The following DHCR24 variants were observed in gnomAD, a reference collection of about 807,000 sequenced individuals.
The protein encoded by DHCR24 is delta(24)-sterol reductase.
A neutral mutation model predicts 61.2 loss-of-function variants in DHCR24; 28 were observed. The observed-to-expected ratio is 0.46, with a 90% CI of 0.34 to 0.63. The LOEUF (loss-of-function observed/expected upper bound fraction) is 0.63, where lower values mean the gene tolerates loss of function less well. DHCR24 is among the 20% of genes least tolerant of loss of function. The pLI is 0.01. For synonymous variants in DHCR24, 261 were observed against 275.9 expected (o/e 0.95, Z 0.54); for missense variants, 538 against 679.1 (o/e 0.79, Z 2.31).
At chr1:54,854,508 G>A (rs1232420906) in intron 6 of DHCR24, among the ~76,000 whole-genome samples, 1 of 152,208 alleles carries the variant, frequency 6.6e-6, no homozygotes, top group Non-Finnish European at 1.5e-5. Flanking sequence ...TGGGCCTTGT[G>A]AGGATAATGA....
chr1:54,885,154 G>A (rs972631777), intron 1 of DHCR24, among the ~76,000 whole-genome samples: 1 of 152,188 alleles, frequency 6.6e-6, no homozygotes, highest in Non-Finnish European at 1.5e-5. Context: ...TCAACACGGG[G>A]AAGGACTTTT....
Position 54,854,207 on chromosome 1 carries a change from T to C in DHCR24, c.1048A>G (p.Ile350Val). 1.9e-6 allele frequency: 3 copies of C among 1,613,896 alleles called. No homozygotes were observed. Among genetic ancestry groups the C allele is most frequent in the South Asian group, 1.1e-5 (1 of 91,052 alleles). ...QDIIPFGNNP[I>V]FRYLFGWMVP... ...ATCCAGCCAAAGAGGTAGCGGAAGA[T>C]GGGGTTGTTGCCAAAGGGGATAATG... The change falls in exon 7 of 9, where the codon ATC becomes GTC. Residue 350 changes from isoleucine (I) to valine (V), a missense_variant. By Grantham distance (29) the Ile-to-Val change is conservative. Transcript: ENST00000371269.
At chr1:54,878,312 C>T (rs1557438832) in intron 2 of DHCR24, among the ~76,000 whole-genome samples, 1 of 149,610 alleles carries the variant, frequency 6.7e-6, no homozygotes, top group Admixed American at 6.7e-5. Context: ...TTGAGACCAG[C>T]CTGGCCAACA....
Position 54,883,295 on chromosome 1 carries a change from T to C in DHCR24, c.387+323A>G, listed in dbSNP as rs76433152. On this transcript the variant is annotated intron_variant, in intron 2 of 8. Transcript: ENST00000371269. This position sits in a 1 kb window ranked among gnomAD's most constrained non-coding sequence, Gnocchi z 4.3. ...ACAAGACCCATGTCTCTCAGTCACT[T>C]CTGTAGCCCATTTTTTACCAGCACA... Among the ~76,000 whole-genome samples the C allele has an allele frequency of 4.3e-4, 65 of 152,298 alleles. No individual in the cohort carries two copies. Among genetic ancestry groups the C allele is most frequent in the African/African-American group, 1.6e-3 (65 of 41,564 alleles).
At chr1:54,881,050 T>C (rs2101577054) in intron 2 of DHCR24, among the ~76,000 whole-genome samples, 1 of 152,234 alleles carries the variant, frequency 6.6e-6, no homozygotes, top group Non-Finnish European at 1.5e-5. Context: ...CCCAGGAGGC[T>C]GAGGCAGGAG....
chr1:54,875,020 G>A (rs1453331709), intron 4 of DHCR24, 73 bp downstream of exon 4: 5 of 1,325,584 alleles, frequency 3.8e-6, no homozygotes, highest in Middle Eastern at 1.8e-4. Flanking sequence ...ACCTAGAGGA[G>A]CCACCTCCCT....
At chr1:54,877,438 T>C (rs1287583610) in intron 2 of DHCR24, among the ~76,000 whole-genome samples, 2 of 151,074 alleles carry the variant, frequency 1.3e-5, no homozygotes, top group Non-Finnish European at 2.9e-5. Context: ...CCTGACAAAA[T>C]ATATGAAATA....
intron 6 of DHCR24, among the ~76,000 whole-genome samples, chr1:54,858,089 C>T (rs756994489): frequency 6.6e-6 from 1 of 152,260 alleles, no homozygotes; most frequent in African/African-American, 2.4e-5. Context: ...TATTCCTCCC[C>T]TCTAGAAATG....
At chr1:54,885,177 G>A (rs1647086057) in intron 1 of DHCR24, among the ~76,000 whole-genome samples, 1 of 152,192 alleles carries the variant, frequency 6.6e-6, no homozygotes, top group African/African-American at 2.4e-5. Flanking sequence ...TTGATCAGAG[G>A]CCAGGGCAGG....
At chr1:54,860,179 C>T (rs1049480264) in intron 6 of DHCR24, among the ~76,000 whole-genome samples, 4 of 152,352 alleles carry the variant, frequency 2.6e-5, no homozygotes, top group East Asian at 1.9e-4. Context: ...GGTATAATTC[C>T]GTCATGCCTT....
intron 6 of DHCR24, among the ~76,000 whole-genome samples, chr1:54,855,394 CAAA>C (rs34849017): frequency 1.1e-4 from 13 of 117,664 alleles, no homozygotes; most frequent in Non-Finnish European, 1.2e-4. Flanking sequence ...ACTCCGTCTC[CAAA>C]AAAAAAAAAA....
Position 54,852,059 on chromosome 1 carries a change from C to T in DHCR24, c.*174G>A. 1.4e-6 allele frequency: 1 copy of T among 694,046 alleles called. No homozygotes were observed. Among genetic ancestry groups the T allele is most frequent in the South Asian group, 1.9e-5 (1 of 53,440 alleles). 43.0% of individuals were successfully genotyped at this position (694,046 alleles called of 1,614,324 possible). ...CTGACTCCAAATCCCACATTCTTTC[C>T]ATTCCACTGGGCTGCCCCCTGGAAG... On this transcript the variant is annotated 3_prime_UTR_variant, in exon 9 of 9. Coordinates refer to ENST00000371269, the MANE Select transcript of DHCR24 (RefSeq NM_014762.4).
intron 6 of DHCR24, among the ~76,000 whole-genome samples, chr1:54,857,615 C>T (rs1211286883): frequency 6.6e-6 from 1 of 152,114 alleles, no homozygotes; most frequent in Non-Finnish European, 1.5e-5. Flanking sequence ...AATACATATA[C>T]ATGAGGAGTT....
rs1218183372 is a variant in DHCR24, at chr1:54,886,840, C to A, written c.231+49G>T. On this transcript the variant is annotated intron_variant, in intron 1 of 8. Transcript: ENST00000371269. ...GCCACCTCGCGTCCCGCTATCCCCG[C>A]GCACGCCGCCTCCGGCCCTGAGTCC... 3 of 1,595,854 alleles carry A rather than the reference C, an allele frequency of 1.9e-6. No homozygotes were observed. The African/African-American group carries it at 4.0e-5, about 21-fold the overall frequency.
At position 54,883,014 on chromosome 1, in the gene DHCR24, G is replaced by C. The variant is rs1647072641; in HGVS notation, c.387+604C>G. Reference sequence around the variant, plus strand: ...ATGGCACAGAGAGATTAAGTAACTTGGCCAAGGTCTCACAATAATAACAAA... The same window carrying C: ...ATGGCACAGAGAGATTAAGTAACTTCGCCAAGGTCTCACAATAATAACAAA... On this transcript the variant is annotated intron_variant, in intron 2 of 8. Transcript: ENST00000371269. The surrounding 1 kb of genome is among the most constrained non-coding windows in gnomAD (Gnocchi z 4.3). 1.3e-5 allele frequency among the ~76,000 whole-genome samples: 2 copies of C among 151,914 alleles called. No individual in the cohort carries two copies. The highest frequency in any genetic ancestry group is 2.4e-5 in the African/African-American group (1 of 41,342).
chr1:54,858,607 T>C (rs1646919869), intron 6 of DHCR24, among the ~76,000 whole-genome samples: 1 of 152,254 alleles, frequency 6.6e-6, no homozygotes, highest in African/African-American at 2.4e-5. Context: ...TTTTGAATCC[T>C]AGCTCTGTGT....
Position 54,854,183 on chromosome 1 carries a change from T to C in DHCR24, c.1072A>G (p.Met358Val). The change falls in exon 7 of 9, where the codon ATG becomes GTG. Residue 358 changes from methionine (M) to valine (V), a missense_variant. Coordinates refer to ENST00000371269, the MANE Select transcript of DHCR24 (RefSeq NM_014762.4). Reference protein sequence around the residue: ...NPIFRYLFGWMVPPKISLLKL... With the variant: ...NPIFRYLFGWVVPPKISLLKL... ...AGGAGGGAGATCTTGGGAGGCACCA[T>C]CCAGCCAAAGAGGTAGCGGAAGATG... 6.2e-7 allele frequency: 1 copy of C among 1,614,032 alleles called. No individual in the cohort carries two copies. Among genetic ancestry groups the C allele is most frequent in the Non-Finnish European group, 8.5e-7 (1 of 1,179,972 alleles).
intron 4 of DHCR24, among the ~76,000 whole-genome samples, chr1:54,872,125 C>T (rs1262412576): frequency 6.6e-6 from 1 of 152,056 alleles, no homozygotes; most frequent in Admixed American, 6.6e-5. Context: ...GCGCTAGCAC[C>T]CCCTTATGAC....
Position 54,887,150 on chromosome 1 carries a change from T to C in DHCR24, c.-31A>G, listed in dbSNP as rs776318350. On this transcript the variant is annotated 5_prime_UTR_variant, in exon 1 of 9. Coordinates refer to ENST00000371269, the MANE Select transcript of DHCR24 (RefSeq NM_014762.4). The stretch of plus-strand genomic sequence containing the variant: ...GGCGCCGCGCGGTAAGCGCTGCGGG[T>C]TCGCGCCTCCTGTCACTGCCGCCAG... The C allele has an allele frequency of 3.3e-6, 5 of 1,530,962 alleles. No individual in the cohort carries two copies. In the Admixed American group the frequency reaches 7.9e-5, roughly 24 times the overall value. The allele number at this position is 1,530,962 out of a possible 1,614,324, so 94.8% of individuals were successfully genotyped here.
Sources: allele counts gnomAD v4.1 joint callset (sites outside exome capture counted in the v4.1 genomes callset), GRCh38; gene constraint gnomAD v4.1.1; non-coding constraint Gnocchi (gnomAD v3.1); transcripts MANE v1.5; gene names NCBI Gene and HGNC (gene_info 2026-07-23, HGNC 2026-07-21).